Variants in PDZD2 observed in about 807,000 individuals in gnomAD.
PDZD2 encodes PDZ domain containing 2.
PDZD2 carries 90 observed loss-of-function variants against 220.7 expected under a neutral mutation model. That is an observed-to-expected ratio of 0.41 (90% CI 0.34 to 0.49). The LOEUF is 0.49. Among genes scored for constraint, PDZD2 ranks in the 20% least tolerant of loss-of-function variants. The probability of loss-of-function intolerance (pLI) is 0.28; values close to 1 mark genes in which losing one functional copy is unlikely to be tolerated. For synonymous variants in PDZD2, 1,375 were observed against 1,450.5 expected (o/e 0.95, Z 1.18); for missense variants, 3,174 against 3,608.5 (o/e 0.88, Z 3.08).
chr5:31,952,142 C>T (rs1043235059), intron 2 of PDZD2, among the ~76,000 whole-genome samples: 4 of 152,312 alleles, frequency 2.6e-5, no homozygotes, highest in Middle Eastern at 3.4e-3. Context: ...CAGAATTAAA[C>T]TCTTTTTAAG....
intron 24 of PDZD2, chr5:32,106,344 G>A (rs1744760931): frequency 6.6e-6 from 1 of 152,304 alleles, no homozygotes; most frequent in Admixed American, 6.5e-5. Flanking sequence ...GTGGTAGTGT[G>A]AGTGACGGTG....
At chr5:31,903,882 C>T (rs534757736) in intron 2 of PDZD2, among the ~76,000 whole-genome samples, 2 of 151,826 alleles carry the variant, frequency 1.3e-5, no homozygotes, top group African/African-American at 4.8e-5. Context: ...CGCCACCATG[C>T]GCAGGAAATT....
intron 2 of PDZD2, among the ~76,000 whole-genome samples, chr5:31,971,065 C>T (rs1251641258): frequency 1.3e-5 from 2 of 152,222 alleles, no homozygotes; most frequent in Non-Finnish European, 2.9e-5. Flanking sequence ...CAGGTGATGA[C>T]TGCTCACTCC....
Position 32,037,237 on chromosome 5 carries a change from G to A in PDZD2, c.1414G>A (p.Gly472Arg), listed in dbSNP as rs1408727069. ...TGTGCTTTCTGCATTTCAGATGCCT[G>A]GGACAGATGAACCCCAAGATGTGTG... ...TSSSVQRAMP[G>R]TDEPQDVCGA... is the part of the protein sequence containing the mutation. Residue 472 changes from glycine to arginine, a missense_variant, in exon 7 of 25, where the codon GGG (glycine) becomes AGG (arginine). By Grantham distance (125) the Gly-to-Arg change is moderately radical (BLOSUM62 -2). Transcript: ENST00000438447. 15 of 1,610,398 alleles carry A rather than the reference G, an allele frequency of 9.3e-6. No homozygotes were observed. The highest frequency in any genetic ancestry group is 4.0e-5 in the African/African-American group (3 of 74,884).
At position 31,876,126 on chromosome 5, in the gene PDZD2, C is replaced by G. The variant is rs570321719; in HGVS notation, c.476+76402C>G. On this transcript the variant is annotated intron_variant, in intron 2 of 24. Coordinates refer to ENST00000438447, the MANE Select transcript of PDZD2 (RefSeq NM_178140.4). ...CATTAATCCAAATATTCTTTTGTAT[C>G]CTTCAATAAAGTTTTATGATTTCTT... is the stretch of plus-strand genomic sequence containing the variant. Among the ~76,000 whole-genome samples, 9 of 152,062 alleles carry G rather than the reference C, an allele frequency of 5.9e-5. 1 individual carries two copies. In the East Asian group the frequency reaches 1.7e-3, roughly 29 times the overall value.
chr5:32,076,448 T>C (rs914291720), intron 18 of PDZD2, among the ~76,000 whole-genome samples: 5 of 152,192 alleles, frequency 3.3e-5, no homozygotes, highest in African/African-American at 1.2e-4. Flanking sequence ...TTGAAACTTG[T>C]ACAAGACTAA....
At chr5:31,789,342 G>C (rs753179769) in intron 1 of PDZD2, among the ~76,000 whole-genome samples, 6 of 152,180 alleles carry the variant, frequency 3.9e-5, no homozygotes, top group African/African-American at 1.2e-4. Context: ...CTTGCTCCTC[G>C]AACATAGGTG....
At chr5:31,719,205 A>T (rs933822084) in intron 1 of PDZD2, among the ~76,000 whole-genome samples, 4 of 152,168 alleles carry the variant, frequency 2.6e-5, no homozygotes, top group African/African-American at 9.7e-5. Flanking sequence ...TTTGTGAGTC[A>T]ATGGTGTCTA....
intron 2 of PDZD2, among the ~76,000 whole-genome samples, chr5:31,873,133 T>G (rs562999924): frequency 4.6e-5 from 7 of 152,104 alleles, no homozygotes; most frequent in Non-Finnish European, 8.8e-5. Context: ...TATATGTATA[T>G]AGAGAGATCC....
At chr5:31,821,425 G>A (rs1291105559) in intron 2 of PDZD2, among the ~76,000 whole-genome samples, 1 of 151,056 alleles carries the variant, frequency 6.6e-6, no homozygotes, top group East Asian at 1.9e-4. Context: ...TCTGTCGCAA[G>A]GCTGAAGTGC....
chr5:31,933,282 A>G (rs1745460852), intron 2 of PDZD2, among the ~76,000 whole-genome samples: 1 of 152,152 alleles, frequency 6.6e-6, no homozygotes, highest in African/African-American at 2.4e-5. Context: ...TTACGGCTGA[A>G]TAGTATTCCA....
At chr5:32,016,101 C>T (rs1329228948) in intron 6 of PDZD2, among the ~76,000 whole-genome samples, 4 of 152,136 alleles carry the variant, frequency 2.6e-5, no homozygotes, top group East Asian at 1.9e-4. Flanking sequence ...CAGGACCTTC[C>T]GATTCTGTGA....
intron 8 of PDZD2, among the ~76,000 whole-genome samples, chr5:32,048,993 C>T (rs940240723): frequency 1.3e-5 from 2 of 152,034 alleles, no homozygotes; most frequent in Non-Finnish European, 2.9e-5. Flanking sequence ...CAGCACTGCT[C>T]GATTAATAGG....
rs759706634 is a variant in PDZD2, at chr5:32,058,039, A to T, written c.2136A>T (p.Ser712=). 1 of 1,613,374 alleles carries T rather than the reference A, an allele frequency of 6.2e-7. No individual in the cohort carries two copies. Among genetic ancestry groups the T allele is most frequent in the Non-Finnish European group, 8.5e-7 (1 of 1,179,324 alleles). Residue 712 remains serine, a synonymous_variant, in exon 12 of 25, where the codon TCA becomes TCT. Transcript: ENST00000438447. ...GAGGTTCCGATGAAGGCAGTTCTTC[A>T]TCCCTGGGTCGGAAGACCCCTGGGC... ...SAGGSDEGSS[S]SLGRKTPGPK...
intron 1 of PDZD2, among the ~76,000 whole-genome samples, chr5:31,745,927 G>A (rs961692372): frequency 2.0e-5 from 3 of 151,906 alleles, no homozygotes; most frequent in African/African-American, 7.3e-5. Context: ...GAATCTGAGA[G>A]GGACACAAAA....
chr5:31,835,932 A>G (rs1756919272), intron 2 of PDZD2, among the ~76,000 whole-genome samples: 1 of 152,134 alleles, frequency 6.6e-6, no homozygotes, highest in Non-Finnish European at 1.5e-5. Context: ...AATCAGTCCT[A>G]TTATTTCCAG....
At chr5:31,854,487 C>A (rs1359349226) in intron 2 of PDZD2, among the ~76,000 whole-genome samples, 1 of 152,184 alleles carries the variant, frequency 6.6e-6, no homozygotes, top group African/African-American at 2.4e-5. Context: ...GACATCCTGC[C>A]CCATACGATG....
chr5:32,052,348 G>A (rs781681716), intron 8 of PDZD2: 6 of 323,540 alleles, frequency 1.9e-5, no homozygotes, highest in Non-Finnish European at 2.9e-5. Flanking sequence ...GTTTCACCAC[G>A]TTGGCTAGGC....
At chr5:31,991,365 G>C (rs1751194654) in intron 3 of PDZD2, among the ~76,000 whole-genome samples, 1 of 152,156 alleles carries the variant, frequency 6.6e-6, no homozygotes, top group Non-Finnish European at 1.5e-5. Flanking sequence ...GGTGGATCTG[G>C]CATCTATTTC....
Sources: gnomAD v4.1 joint callset for allele counts (sites outside exome capture counted in the v4.1 genomes callset) on GRCh38, gnomAD v4.1.1 for gene constraint, MANE v1.5 for transcripts, NCBI Gene and HGNC (gene_info 2026-07-23, HGNC 2026-07-21) for gene names.